The following SAXO2 variants were observed in gnomAD, a reference collection of about 807,000 sequenced individuals.
SAXO2 encodes the protein stabilizer of axonemal microtubules 2, also known as family with sequence similarity 154, member B.
In SAXO2, 17 loss-of-function variants were observed where a neutral mutation model predicts 18.7. That is an observed-to-expected ratio of 0.91 (90% CI 0.62 to 1.36). SAXO2 has a LOEUF of 1.36. Ranked by LOEUF, SAXO2 falls within the 40% of genes most tolerant of loss-of-function variation. SAXO2 has a pLI of 0.00. For missense variants in SAXO2, 486 were observed against 562.6 expected (o/e 0.86, Z 1.38); for synonymous variants, 163 against 181.2 (o/e 0.90, Z 0.81).
At chr15:82,263,541 T>C in intron 1 of SAXO2, 2 of 660,216 alleles carry the variant, frequency 3.0e-6, no homozygotes, top group Non-Finnish European at 5.5e-6. Flanking sequence ...GCTTCACTAT[T>C]GACCCAGGGA....
chr15:82,274,332 C>T (rs2075296660), intron 3 of SAXO2, among the ~76,000 whole-genome samples: 1 of 151,968 alleles, frequency 6.6e-6, no homozygotes, highest in Non-Finnish European at 1.5e-5. Context: ...ACAACAAAAA[C>T]ACTAAGAGCC....
At chr15:82,275,906 T>G (rs1034549342) in intron 3 of SAXO2, among the ~76,000 whole-genome samples, 1 of 151,824 alleles carries the variant, frequency 6.6e-6, no homozygotes, top group Non-Finnish European at 1.5e-5. Flanking sequence ...ATATTTAACA[T>G]AATCAAGCAA....
At chr15:82,263,547 A>G (rs2075165531) in intron 1 of SAXO2, 2 of 648,226 alleles carry the variant, frequency 3.1e-6, no homozygotes, top group African/African-American at 1.8e-5. Context: ...CTATTGACCC[A>G]GGGATTAGAT....
intron 1 of SAXO2, among the ~76,000 whole-genome samples, chr15:82,264,512 G>T (rs557743821): frequency 2.0e-5 from 3 of 152,002 alleles, no homozygotes; most frequent in African/African-American, 7.2e-5. Context: ...TATACTATTA[G>T]CTTATATGAT....
intron 2 of SAXO2, among the ~76,000 whole-genome samples, chr15:82,270,377 T>C (rs528500897): frequency 2.6e-4 from 39 of 152,278 alleles, no homozygotes; most frequent in Admixed American, 6.5e-4. Context: ...CAATTACTGT[T>C]GGAGAGGTCA....
At chr15:82,276,676 T>C (rs894859822) in intron 3 of SAXO2, among the ~76,000 whole-genome samples, 4 of 152,026 alleles carry the variant, frequency 2.6e-5, no homozygotes, top group African/African-American at 9.7e-5. Context: ...GATGAAACCA[T>C]ATGCAGAAGG....
rs2141379079 is a variant in SAXO2, at chr15:82,279,937, A to G, written c.434-2182A>G. 1.3e-5 allele frequency among the ~76,000 whole-genome samples: 2 copies of G among 152,338 alleles called. 1 individual carries two copies. Among genetic ancestry groups the G allele is most frequent in the South Asian group, 4.1e-4 (2 of 4,826 alleles). ...ACTTTCTAACCAGATTTTAGTGGCT[A>G]GACATAAAAAGTGAGCTGAGGAAAC... On this transcript the variant is annotated intron_variant, in intron 3 of 3. Transcript: ENST00000682753.
chr15:82,265,841 G>T, intron 2 of SAXO2, 93 bp downstream of exon 2: 2 of 858,576 alleles, frequency 2.3e-6, no homozygotes, highest in Non-Finnish European at 1.6e-6. Context: ...GAACTGTTCA[G>T]TTGATTTAAG....
rs117177639 is a variant in SAXO2, at chr15:82,272,078, A to G, written c.433+276A>G. The stretch of plus-strand genomic sequence containing the variant: ...CATGAAAAACAAAGGATGCCATTAA[A>G]GAAGCATTATGTCACATTTGTCACT... On this transcript the variant is annotated intron_variant, in intron 3 of 3. Transcript: ENST00000682753. The G allele has an allele frequency of 1.9e-3, 714 of 369,398 alleles. 10 individuals are homozygous for G. In the East Asian group the frequency reaches 0.021, roughly 11 times the overall value. 22.9% of individuals were successfully genotyped at this position (369,398 alleles called of 1,614,324 possible).
At chr15:82,265,857 C>A in intron 2 of SAXO2, 109 bp downstream of exon 2, 1 of 718,602 alleles carries the variant, frequency 1.4e-6, no homozygotes, top group Non-Finnish European at 2.0e-6. Context: ...TTAAGTTGAA[C>A]CAATCTAATA....
In SAXO2 at chr15:82,272,806, G is replaced by T. The variant is rs911164532; in HGVS notation, c.433+1004G>T. Among the ~76,000 whole-genome samples the T allele has an allele frequency of 4.7e-5, 7 of 150,456 alleles. No individual in the cohort carries two copies. In the East Asian group the frequency reaches 1.4e-3, roughly 30 times the overall value. On this transcript the variant is annotated intron_variant, in intron 3 of 3. Coordinates refer to ENST00000682753, the MANE Select transcript of SAXO2 (RefSeq NM_001348699.2). ...GATCCACACACCTCAGCCTCCCAAAGTGCTAAGATCAAAGGCGTGAGCCAC... is the reference window on the plus strand; with the variant it reads ...GATCCACACACCTCAGCCTCCCAAATTGCTAAGATCAAAGGCGTGAGCCAC...
intron 3 of SAXO2, 136 bp from the exon 4 acceptor site, chr15:82,281,983 T>C: frequency 1.4e-6 from 1 of 730,898 alleles, no homozygotes; most frequent in Non-Finnish European, 2.2e-6. Context: ...AGAGAAACTG[T>C]ATTCTGATAC....
In SAXO2 at chr15:82,271,655, G is replaced by T. The variant is rs762337082; in HGVS notation, c.286G>T (p.Glu96Ter). 6.2e-6 allele frequency: 10 copies of T among 1,613,884 alleles called. No homozygotes were observed. In the South Asian group the frequency reaches 7.7e-5, roughly 12 times the overall value. The change falls in exon 3 of 4, where the codon GAA becomes TAA. Residue 96 changes from glutamate to a stop codon, truncating the protein, a stop_gained. Transcript: ENST00000682753. LOFTEE classifies it high-confidence loss of function. ...TAAACAGCCTCGCCATGTGCCAGAA[G>T]AATATAAACCAAAACAAGGGAAGAT... ...IVKQPRHVPE[E>*]YKPKQGKIDL...
chr15:82,267,660 ACTTT>A (rs1366505163), intron 2 of SAXO2, among the ~76,000 whole-genome samples: 1 of 152,130 alleles, frequency 6.6e-6, no homozygotes, highest in African/African-American at 2.4e-5. Context: ...AAAGGTGGAG[ACTTT>A]CCAACTTTTA....
chr15:82,277,782 G>A (rs932370632), intron 3 of SAXO2, among the ~76,000 whole-genome samples: 3 of 152,182 alleles, frequency 2.0e-5, no homozygotes, highest in African/African-American at 7.2e-5. Flanking sequence ...TGTTACACAA[G>A]TGAATAAAAT....
Position 82,271,659 on chromosome 15 carries a change from A to G in SAXO2, c.290A>G (p.Tyr97Cys). ...CAGCCTCGCCATGTGCCAGAAGAAT[A>G]TAAACCAAAACAAGGGAAGATTGAT... ...VKQPRHVPEE[Y>C]KPKQGKIDLG... is the part of the protein sequence containing the mutation. Residue 97 changes from tyrosine (Y) to cysteine (C), a missense_variant, in exon 3 of 4, where the codon TAT becomes TGT. Tyr to Cys is a radical substitution (Grantham distance 194, BLOSUM62 -2). Transcript: ENST00000682753. 6.2e-7 allele frequency: 1 copy of G among 1,614,084 alleles called. No individual in the cohort carries two copies. The highest frequency in any genetic ancestry group is 8.5e-7 in the Non-Finnish European group (1 of 1,179,912).
intron 3 of SAXO2, among the ~76,000 whole-genome samples, chr15:82,277,143 T>C (rs1403900759): frequency 6.6e-6 from 1 of 152,072 alleles, no homozygotes; most frequent in Non-Finnish European, 1.5e-5. Flanking sequence ...TTTTAAAATA[T>C]AGAAAGTTAA....
intron 3 of SAXO2, among the ~76,000 whole-genome samples, chr15:82,280,658 A>G (rs939104569): frequency 6.6e-6 from 1 of 152,132 alleles, no homozygotes; most frequent in African/African-American, 2.4e-5. Context: ...TCTGATTGCC[A>G]CTTTACTAAC....
In SAXO2 at chr15:82,283,830, AT is replaced by A; in HGVS notation, c.*776del. 1 of 152,068 alleles carries A rather than the reference AT, an allele frequency of 6.6e-6. No individual in the cohort carries two copies. Among genetic ancestry groups the A allele is most frequent in the Non-Finnish European group, 1.5e-5 (1 of 67,992 alleles). The allele number at this position is 152,068 out of a possible 1,614,324, so 9.4% of individuals were successfully genotyped here. A position where few individuals can be genotyped will look rare whatever the true frequency, so the allele number is the denominator to read the frequency against. ...CAAGGGTGTGCCACCACACCTGGCTATTTTTTTTAAACATACTTTGTAGAGA... is the reference window on the plus strand; with the variant it reads ...CAAGGGTGTGCCACCACACCTGGCTATTTTTTTAAACATACTTTGTAGAGA... On this transcript the variant is annotated 3_prime_UTR_variant, in exon 4 of 4. Transcript: ENST00000682753.
Sources: allele counts gnomAD v4.1 joint callset (sites outside exome capture counted in the v4.1 genomes callset), GRCh38; gene constraint gnomAD v4.1.1; transcripts MANE v1.5; gene names NCBI Gene and HGNC (gene_info 2026-07-23, HGNC 2026-07-21).